The following NTM variants were observed in gnomAD, a reference collection of about 807,000 sequenced individuals.
The protein encoded by NTM is IgLON family member 2.
NTM carries 13 observed loss-of-function variants against 42.1 expected under a neutral mutation model. The observed-to-expected ratio is 0.31, with a 90% CI of 0.20 to 0.49. NTM has a LOEUF of 0.49. NTM is among the 20% of genes least tolerant of loss of function. The probability of loss-of-function intolerance (pLI) is 0.99; values close to 1 mark genes in which losing one functional copy is unlikely to be tolerated. For missense variants in NTM, 373 were observed against 452.8 expected, an observed-to-expected ratio of 0.82 and a Z score of 1.60; for synonymous variants, 187 against 179.2, an observed-to-expected ratio of 1.04 and a Z score of -0.35.
intron 2 of NTM, among the ~76,000 whole-genome samples, chr11:132,037,149 C>G (rs997722190): frequency 6.6e-6 from 1 of 152,092 alleles, no homozygotes; most frequent in Non-Finnish European, 1.5e-5. Context: ...GGATGGATCC[C>G]TCATGAATAG....
chr11:131,983,090 C>A (rs189062339), intron 2 of NTM, among the ~76,000 whole-genome samples: 4 of 151,118 alleles, frequency 2.6e-5, no homozygotes. Context: ...TGGAAGAACA[C>A]CCATTGTCTA....
chr11:131,729,444 C>T (rs1302351015), intron 1 of NTM, among the ~76,000 whole-genome samples: 1 of 152,176 alleles, frequency 6.6e-6, no homozygotes, highest in Non-Finnish European at 1.5e-5. Context: ...AGATATAATT[C>T]ATGCTGCAAA....
chr11:131,883,019 C>T (rs982937182), intron 1 of NTM, among the ~76,000 whole-genome samples: 2 of 152,112 alleles, frequency 1.3e-5, no homozygotes, highest in African/African-American at 4.8e-5. Flanking sequence ...GATGACATAT[C>T]CTGAGTGCAC....
At chr11:131,492,858 C>A (rs1954940909) in intron 1 of NTM, among the ~76,000 whole-genome samples, 1 of 152,078 alleles carries the variant, frequency 6.6e-6, no homozygotes, top group African/African-American at 2.4e-5. Context: ...AAAGTGTAGT[C>A]TTAAGCTGCA....
At chr11:131,929,704 A>G (rs990955394) in intron 2 of NTM, among the ~76,000 whole-genome samples, 2 of 152,056 alleles carry the variant, frequency 1.3e-5, no homozygotes, top group Non-Finnish European at 2.9e-5. Flanking sequence ...ACTGATTCAC[A>G]AAGTAAGACG....
intron 1 of NTM, among the ~76,000 whole-genome samples, chr11:131,654,447 T>C (rs2066914877): frequency 6.6e-6 from 1 of 152,070 alleles, no homozygotes; most frequent in Admixed American, 6.5e-5. Context: ...GGTTTTTTTT[T>C]TCCGGGAGTC....
At chr11:131,660,883 T>A (rs2067946733) in intron 1 of NTM, 1 of 1,256,454 alleles carries the variant, frequency 8.0e-7, no homozygotes, top group Non-Finnish European at 1.0e-6. Flanking sequence ...TCAAAGAACT[T>A]GTGTGTAATG....
At chr11:131,994,304 A>G (rs1378653859) in intron 2 of NTM, among the ~76,000 whole-genome samples, 4 of 152,144 alleles carry the variant, frequency 2.6e-5, no homozygotes, top group Non-Finnish European at 5.9e-5. Flanking sequence ...GTGGGAAGGG[A>G]GTTCTGAAAT....
At chr11:131,828,883 A>G (rs1163222865) in intron 1 of NTM, among the ~76,000 whole-genome samples, 2 of 152,154 alleles carry the variant, frequency 1.3e-5, no homozygotes, top group African/African-American at 4.8e-5. Context: ...AATTAAAGCT[A>G]GTAAAAATGT....
intron 1 of NTM, among the ~76,000 whole-genome samples, chr11:131,438,466 G>T (rs1346650015): frequency 6.6e-6 from 1 of 152,182 alleles, no homozygotes; most frequent in African/African-American, 2.4e-5. Flanking sequence ...ATTTCTTGGA[G>T]ACTTTGTTCG....
chr11:131,742,122 T>A (rs991004085), intron 1 of NTM, among the ~76,000 whole-genome samples: 3 of 152,124 alleles, frequency 2.0e-5, no homozygotes, highest in Non-Finnish European at 4.4e-5. Context: ...AACTAATGGA[T>A]ACCAGGCTTA....
intron 1 of NTM, among the ~76,000 whole-genome samples, chr11:131,378,914 A>C (rs1234896570): frequency 6.6e-6 from 1 of 152,208 alleles, no homozygotes; most frequent in Non-Finnish European, 1.5e-5. Context: ...ACAATTTTGC[A>C]GCTTCATATG....
chr11:131,494,135 A>G (rs1955087979), intron 1 of NTM, among the ~76,000 whole-genome samples: 2 of 152,194 alleles, frequency 1.3e-5, no homozygotes, highest in South Asian at 4.1e-4. Context: ...ATACTCTTAC[A>G]GGTCAGACAC....
intron 1 of NTM, chr11:131,671,364 A>G (rs1407570852): frequency 3.2e-6 from 3 of 923,966 alleles, no homozygotes; most frequent in Non-Finnish European, 3.9e-6. Context: ...TTATTTATGG[A>G]AGGCCAGGGA....
intron 1 of NTM, among the ~76,000 whole-genome samples, chr11:131,747,643 A>T (rs2081982848): frequency 6.6e-6 from 1 of 152,220 alleles, no homozygotes; most frequent in Non-Finnish European, 1.5e-5. Flanking sequence ...CATGGACCAT[A>T]GGATGATCTC....
intron 1 of NTM, chr11:131,661,051 A>T (rs749654166): frequency 1.3e-5 from 17 of 1,303,066 alleles, no homozygotes; most frequent in Non-Finnish European, 1.7e-5. Context: ...GGGCACAGGT[A>T]GGTGCATACT....
At chr11:132,129,728 C>T (rs2066486236) in intron 2 of NTM, among the ~76,000 whole-genome samples, 1 of 152,192 alleles carries the variant, frequency 6.6e-6, no homozygotes, top group African/African-American at 2.4e-5. Flanking sequence ...CAACACCAGT[C>T]ATTTCAAAAT....
chr11:132,023,730 TTGGTTTTGTTGTTGGTGG>T (rs1166045192), intron 2 of NTM, among the ~76,000 whole-genome samples: 93 of 151,134 alleles, frequency 6.2e-4, no homozygotes, highest in African/African-American at 1.1e-3. Context: ...GTTGTTGTTG[TTGGTTTTGTTGTTGGTGG>T]TGGTTTTGTT....
intron 1 of NTM, among the ~76,000 whole-genome samples, chr11:131,434,367 T>C (rs1948944102): frequency 6.6e-6 from 1 of 152,214 alleles, no homozygotes; most frequent in Admixed American, 6.5e-5. Flanking sequence ...TGCCACACTG[T>C]CTTCCACAAT....
Sources: gnomAD v4.1 joint callset for allele counts (sites outside exome capture counted in the v4.1 genomes callset) on GRCh38, gnomAD v4.1.1 for gene constraint, MANE v1.5 for transcripts, NCBI Gene and HGNC (gene_info 2026-07-23, HGNC 2026-07-21) for gene names.